Variants in XYLT1 observed in about 807,000 individuals in gnomAD.
The protein encoded by XYLT1 is xylosyltransferase 1.
A neutral mutation model predicts 91.3 loss-of-function variants in XYLT1; 36 were observed. The observed-to-expected ratio is 0.39, with a 90% confidence interval of 0.30 to 0.52. The LOEUF is 0.52. XYLT1 is among the 20% of genes least tolerant of loss of function. The pLI is 0.68. For missense variants in XYLT1, 1,242 were observed against 1,284.5 expected (o/e 0.97, Z 0.51); for synonymous variants, 588 against 532.0 (o/e 1.11, Z -1.45).
intron 1 of XYLT1, among the ~76,000 whole-genome samples, chr16:17,368,142 G>A (rs2035478675): frequency 6.6e-6 from 1 of 152,130 alleles, no homozygotes; most frequent in African/African-American, 2.4e-5. Context: ...AACCACGGGG[G>A]GCGGAAAAAA....
intron 3 of XYLT1, among the ~76,000 whole-genome samples, chr16:17,255,599 C>A (rs1457591332): frequency 2.0e-5 from 3 of 152,230 alleles, no homozygotes; most frequent in Non-Finnish European, 2.9e-5. Context: ...ATTATTGCTA[C>A]ACTCTGTGTG....
intron 3 of XYLT1, among the ~76,000 whole-genome samples, chr16:17,207,789 A>G (rs1463228517): frequency 6.6e-6 from 1 of 151,994 alleles, no homozygotes; most frequent in Non-Finnish European, 1.5e-5. Context: ...CACCCAGCTT[A>G]ATGAGAAGAG....
intron 11 of XYLT1, among the ~76,000 whole-genome samples, chr16:17,115,800 T>TAAAAAAAA (rs71137969): frequency 2.6e-4 from 13 of 50,336 alleles, no homozygotes; most frequent in East Asian, 1.3e-3. Flanking sequence ...TCTGTTATAT[T>TAAAAAAAA]AAAAAAAAAA....
chr16:17,333,643 A>G (rs2034936446), intron 2 of XYLT1, among the ~76,000 whole-genome samples: 1 of 147,282 alleles, frequency 6.8e-6, no homozygotes, highest in South Asian at 2.1e-4. Context: ...GCTGGAGTGC[A>G]GTGGAGCCAT....
chr16:17,420,269 C>A (rs2036235511), intron 1 of XYLT1, among the ~76,000 whole-genome samples: 1 of 152,000 alleles, frequency 6.6e-6, no homozygotes, highest in Admixed American at 6.6e-5. Flanking sequence ...AAATGATAGA[C>A]CCTATAAATT....
chr16:17,166,898 G>A (rs953542654), intron 5 of XYLT1, among the ~76,000 whole-genome samples: 3 of 152,062 alleles, frequency 2.0e-5, no homozygotes, highest in Non-Finnish European at 4.4e-5. Flanking sequence ...CCAATGAACT[G>A]GGGGGTGATT....
intron 3 of XYLT1, among the ~76,000 whole-genome samples, chr16:17,228,722 C>T (rs2033111378): frequency 6.6e-6 from 1 of 152,154 alleles, no homozygotes; most frequent in African/African-American, 2.4e-5. Flanking sequence ...TGTGTGACAA[C>T]TGTCTGTCTG....
chr16:17,102,491 A>G lies in XYLT1; in HGVS notation c.*6204T>C, dbSNP rs1290232893. On this transcript the variant is annotated 3_prime_UTR_variant, in exon 12 of 12. Coordinates refer to ENST00000261381, the MANE Select transcript of XYLT1 (RefSeq NM_022166.4). ...TTGTCAGACAGAAACAAACTCCCCT[A>G]GACAAAAAAATACAGCTAAGGCACA... 1 of 152,630 alleles carries G rather than the reference A, an allele frequency of 6.6e-6. No homozygotes were observed. Among genetic ancestry groups the G allele is most frequent in the Non-Finnish European group, 1.5e-5 (1 of 68,038 alleles). 9.5% of individuals were successfully genotyped at this position (152,630 alleles called of 1,614,324 possible). A position where few individuals can be genotyped will look rare whatever the true frequency, so the allele number is the denominator to read the frequency against.
At chr16:17,241,177 C>T (rs988447720) in intron 3 of XYLT1, among the ~76,000 whole-genome samples, 2 of 152,226 alleles carry the variant, frequency 1.3e-5, no homozygotes, top group Admixed American at 6.5e-5. Flanking sequence ...GGGGTCCTCC[C>T]CATAGAGCCT....
chr16:17,135,044 T>TCAGA (rs1354955529), intron 8 of XYLT1, among the ~76,000 whole-genome samples: 2 of 152,182 alleles, frequency 1.3e-5, no homozygotes, highest in African/African-American at 4.8e-5. Flanking sequence ...GGGATGGATC[T>TCAGA]CAGACATCAT....
chr16:17,366,785 C>G (rs1023779488), intron 1 of XYLT1, among the ~76,000 whole-genome samples: 14 of 152,144 alleles, frequency 9.2e-5, no homozygotes, highest in African/African-American at 3.1e-4. Context: ...GTAATTGAGG[C>G]TCAAAGGAGA....
chr16:17,305,740 C>G (rs1047134318), intron 2 of XYLT1, among the ~76,000 whole-genome samples: 1 of 152,022 alleles, frequency 6.6e-6, no homozygotes, highest in African/African-American at 2.4e-5. Context: ...AAGTATTGCT[C>G]GACTAAGCAT....
At chr16:17,293,135 G>A (rs2034255955) in intron 2 of XYLT1, among the ~76,000 whole-genome samples, 1 of 152,166 alleles carries the variant, frequency 6.6e-6, no homozygotes. Flanking sequence ...CTGGAACTCT[G>A]TGCTAGAAGA....
At chr16:17,219,597 T>C (rs1482748999) in intron 3 of XYLT1, among the ~76,000 whole-genome samples, 7 of 152,302 alleles carry the variant, frequency 4.6e-5, no homozygotes, top group Middle Eastern at 3.4e-3. Flanking sequence ...AACGATGGCT[T>C]GGAAACTTCA....
chr16:17,130,758 A>C (rs1016742667), intron 9 of XYLT1, among the ~76,000 whole-genome samples: 1 of 152,096 alleles, frequency 6.6e-6, no homozygotes, highest in African/African-American at 2.4e-5. Flanking sequence ...TTTGCCCACT[A>C]TAACCTGTTC....
chr16:17,173,819 G>A (rs993473954), intron 5 of XYLT1, among the ~76,000 whole-genome samples: 3 of 152,206 alleles, frequency 2.0e-5, no homozygotes, highest in African/African-American at 7.2e-5. Flanking sequence ...GTACCACCTT[G>A]CAGGTTTCTT....
intron 3 of XYLT1, among the ~76,000 whole-genome samples, chr16:17,257,676 G>A (rs1468838446): frequency 6.6e-6 from 1 of 152,080 alleles, no homozygotes; most frequent in Non-Finnish European, 1.5e-5. Flanking sequence ...CTCTGAGTGG[G>A]TCCGAAATTT....
chr16:17,185,248 G>C (rs1397651983), intron 5 of XYLT1, among the ~76,000 whole-genome samples: 3 of 152,222 alleles, frequency 2.0e-5, no homozygotes, highest in Non-Finnish European at 4.4e-5. Context: ...AAAATAACAG[G>C]GCTGAGGATA....
chr16:17,225,311 G>C (rs2033043927), intron 3 of XYLT1, among the ~76,000 whole-genome samples: 1 of 151,748 alleles, frequency 6.6e-6, no homozygotes, highest in African/African-American at 2.4e-5. Context: ...TCCTTTTTAG[G>C]ACCAACTCCA....
Sources: allele counts gnomAD v4.1 joint callset (sites outside exome capture counted in the v4.1 genomes callset), GRCh38; gene constraint gnomAD v4.1.1; transcripts MANE v1.5; gene names NCBI Gene and HGNC (gene_info 2026-07-23, HGNC 2026-07-21).